The following STK3 variants were observed in gnomAD, a reference collection of about 807,000 sequenced individuals.
The protein encoded by STK3 is serine/threonine kinase 3, also known as serine/threonine-protein kinase 3.
A neutral mutation model predicts 58.0 loss-of-function variants in STK3; 41 were observed. That is an observed-to-expected ratio of 0.71 (90% confidence interval 0.55 to 0.92). The LOEUF is 0.92. Among genes scored for constraint, STK3 ranks in the 40% least tolerant of loss-of-function variants. The pLI is 0.00. For synonymous variants in STK3, 170 were observed against 191.0 expected, an observed-to-expected ratio of 0.89 and a Z score of 0.91; for missense variants, 479 against 602.7, an observed-to-expected ratio of 0.79 and a Z score of 2.15.
At chr8:98,905,098 G>A (rs564230498) in intron 1 of STK3, 153 of 1,422,484 alleles carry the variant, frequency 1.1e-4, no homozygotes, top group Admixed American at 1.5e-4. Context: ...TCATTACACT[G>A]CTCAGTAAAG....
intron 3 of STK3, among the ~76,000 whole-genome samples, chr8:98,761,183 G>A (rs1415851661): frequency 6.6e-6 from 1 of 151,272 alleles, no homozygotes; most frequent in Non-Finnish European, 1.5e-5. Context: ...GAGTGCAGTG[G>A]CATGATCTCA....
downstream of STK3, among the ~76,000 whole-genome samples, chr8:98,367,467 AC>A (rs1267483030): frequency 2.0e-5 from 3 of 152,176 alleles, no homozygotes; most frequent in Non-Finnish European, 4.4e-5. Flanking sequence ...AGGATAGGAA[AC>A]CCTTAGAAAT....
chr8:98,509,505 G>A (rs1358165206), intron 10 of STK3, among the ~76,000 whole-genome samples: 1 of 151,820 alleles, frequency 6.6e-6, no homozygotes. Context: ...CATCCTAATG[G>A]AATTATTTTA....
At chr8:98,746,434 A>C (rs1329393718) in intron 4 of STK3, among the ~76,000 whole-genome samples, 1 of 152,114 alleles carries the variant, frequency 6.6e-6, no homozygotes, top group African/African-American at 2.4e-5. Flanking sequence ...CAGCGAAGTG[A>C]GACCCTATCT....
chr8:98,376,674 T>C (rs1243781852), intron 2 of STK3, among the ~76,000 whole-genome samples: 1 of 152,230 alleles, frequency 6.6e-6, no homozygotes. Context: ...AGAATGTACG[T>C]TACTTAACTT....
chr8:98,441,231 T>C (rs1818683755), intron 1 of STK3, among the ~76,000 whole-genome samples: 2 of 152,236 alleles, frequency 1.3e-5, no homozygotes, highest in South Asian at 4.1e-4. Context: ...GTGTACTGTA[T>C]GTCTTCCCAG....
chr8:98,668,381 A>G (rs1470011800), intron 6 of STK3, among the ~76,000 whole-genome samples: 1 of 152,198 alleles, frequency 6.6e-6, no homozygotes. Flanking sequence ...CAGACAGTTC[A>G]AAGTTTTATT....
intron 6 of STK3, among the ~76,000 whole-genome samples, chr8:98,698,864 G>A (rs957929254): frequency 5.3e-5 from 8 of 152,116 alleles, no homozygotes; most frequent in South Asian, 4.2e-4. Flanking sequence ...TTCTCGAGGA[G>A]TATCTTTGTG....
intron 6 of STK3, among the ~76,000 whole-genome samples, chr8:98,635,965 T>C (rs554882572): frequency 6.6e-6 from 1 of 152,248 alleles, no homozygotes; most frequent in East Asian, 1.9e-4. Context: ...TCTAACCATC[T>C]TTCAATAAGT....
intron 1 of STK3, chr8:98,905,116 C>T: frequency 6.9e-7 from 1 of 1,441,516 alleles, no homozygotes; most frequent in Non-Finnish European, 9.7e-7. Flanking sequence ...AAGTCTGCCA[C>T]ACGACCCGTA....
At chr8:98,553,608 C>A (rs1030060534) in intron 8 of STK3, among the ~76,000 whole-genome samples, 7 of 152,034 alleles carry the variant, frequency 4.6e-5, no homozygotes, top group Non-Finnish European at 1.0e-4. Flanking sequence ...TTCAGTTGAT[C>A]ATTTATTTAA....
At chr8:98,810,849 G>T (rs1295856210) in intron 1 of STK3, among the ~76,000 whole-genome samples, 3 of 152,138 alleles carry the variant, frequency 2.0e-5, no homozygotes, top group Non-Finnish European at 2.9e-5. Flanking sequence ...CGATGAGTGA[G>T]TTCTCACTCT....
At chr8:98,628,326 T>C (rs746037341) in intron 6 of STK3, among the ~76,000 whole-genome samples, 1 of 152,220 alleles carries the variant, frequency 6.6e-6, no homozygotes, top group African/African-American at 2.4e-5. Context: ...ACAATGTTAC[T>C]AGACACATCT....
chr8:98,712,677 T>C (rs1161592627), intron 4 of STK3, among the ~76,000 whole-genome samples: 1 of 151,900 alleles, frequency 6.6e-6, no homozygotes, highest in Non-Finnish European at 1.5e-5. Context: ...TCCCACACAA[T>C]AATAATGGGA....
chr8:98,676,112 G>A (rs2130868520), intron 6 of STK3, among the ~76,000 whole-genome samples: 1 of 152,236 alleles, frequency 6.6e-6, no homozygotes, highest in South Asian at 2.1e-4. Context: ...AGACAGAAAA[G>A]GACAAATATT....
intron 1 of STK3, among the ~76,000 whole-genome samples, chr8:98,910,691 G>A (rs1839094378): frequency 6.6e-6 from 1 of 152,192 alleles, no homozygotes; most frequent in Non-Finnish European, 1.5e-5. Flanking sequence ...GTGCATTACT[G>A]CTGGGTTGTG....
At chr8:98,598,691 C>T (rs1816042912) in intron 6 of STK3, 2 of 985,276 alleles carry the variant, frequency 2.0e-6, no homozygotes, top group East Asian at 1.1e-4. Context: ...CATTCCCTTG[C>T]CACCAACCAA....
In STK3 at chr8:98,503,765, GAC is replaced by G. The variant is rs557831791; in HGVS notation, c.1317+22975_1317+22976del. On this transcript the variant is annotated intron_variant, in intron 10 of 10. Coordinates refer to ENST00000419617, the MANE Select transcript of STK3 (RefSeq NM_006281.4). ...AGTCTGATTGCACTGTGGTCTGAGA[GAC>G]AGTTTGTTGTGATTTCTGTTCTTTT... Among the ~76,000 whole-genome samples, 30 of 152,352 alleles carry G rather than the reference GAC, an allele frequency of 2.0e-4. 1 individual carries two copies. The South Asian group carries it at 6.0e-3, about 31-fold the overall frequency.
rs1813847472 is a variant in STK3 at position 98,581,132 on chromosome 8, G to A, written c.823-1343C>T. On this transcript the variant is annotated intron_variant, in intron 7 of 10. Transcript: ENST00000419617. Reference sequence around the variant, plus strand: ...TTAACCCATTCAGGTGGTTATATGCGACTAAGTGAATGCGGGAGCAAATAC... The same window carrying A: ...TTAACCCATTCAGGTGGTTATATGCAACTAAGTGAATGCGGGAGCAAATAC... 3.9e-5 allele frequency among the ~76,000 whole-genome samples: 6 copies of A among 152,310 alleles called. No individual in the cohort carries two copies. In the South Asian group the frequency reaches 1.0e-3, roughly 26 times the overall value.
Sources: gnomAD v4.1 joint callset for allele counts (sites outside exome capture counted in the v4.1 genomes callset) on GRCh38, gnomAD v4.1.1 for gene constraint, MANE v1.5 for transcripts, NCBI Gene and HGNC (gene_info 2026-07-23, HGNC 2026-07-21) for gene names.